Variants in EIF1AX observed in about 807,000 individuals in gnomAD.
EIF1AX encodes the protein eukaryotic translation initiation factor 1A X-linked, also known as eukaryotic translation initiation factor 1A, X-chromosomal.
Under a neutral mutation model 16.1 loss-of-function variants are expected in EIF1AX, and 1 was observed. The observed-to-expected ratio is 0.06, with a 90% confidence interval of 0.02 to 0.30. The LOEUF is 0.30. EIF1AX is among the 10% of genes least tolerant of loss of function. The pLI, the probability that EIF1AX is intolerant of heterozygous loss-of-function variation, is 1.00. For missense variants in EIF1AX, 11 were observed against 109.1 expected (o/e 0.10, Z 4.00); for synonymous variants, 32 against 37.3 (o/e 0.86, Z 0.51).
intron 3 of EIF1AX, among the ~76,000 whole-genome samples, chrX:20,134,572 T>C (rs113946541): frequency 0.025 from 2,717 of 107,834 alleles, 85 homozygotes; most frequent in African/African-American, 0.087. Flanking sequence ...ACCTTGTCTT[T>C]ACTAAAAATA....
At chrX:20,141,440 G>T (rs1265616995) in intron 1 of EIF1AX, among the ~76,000 whole-genome samples, 185 bp downstream of exon 1, 1 of 111,621 alleles carries the variant, frequency 9.0e-6, no homozygotes, top group Non-Finnish European at 1.9e-5. Flanking sequence ...GACCAAACTG[G>T]GCAACAGGAG....
rs1344014029 is a variant in EIF1AX at position 20,125,460 on chromosome X, T to C, written c.*2846A>G. 2 of 170,098 alleles carry C rather than the reference T, an allele frequency of 1.2e-5. No individual in the cohort carries two copies. Among genetic ancestry groups the C allele is most frequent in the African/African-American group, 5.9e-5 (2 of 33,778 alleles). The allele number at this position is 170,098 out of a possible 1,213,427, so 14.0% of individuals were successfully genotyped here. On this transcript the variant is annotated 3_prime_UTR_variant, in exon 7 of 7. Transcript: ENST00000379607. ...CAAAGAGTATAAATAAAACTTACCC[T>C]TACGAAGTAGAATAAAGATAAGCAT...
At chrX:20,133,725 G>A (rs2067007734) in intron 4 of EIF1AX, among the ~76,000 whole-genome samples, 1 of 111,577 alleles carries the variant, frequency 9.0e-6, no homozygotes, top group African/African-American at 3.3e-5. Context: ...GTTGTGATGT[G>A]TATTGTAATT....
At chrX:20,133,299 T>G (rs939281499) in intron 4 of EIF1AX, among the ~76,000 whole-genome samples, 2 of 110,960 alleles carry the variant, frequency 1.8e-5, no homozygotes, top group Non-Finnish European at 3.8e-5. Context: ...CTCAGCGCTA[T>G]GGATTATTGT....
rs1288020754 is a variant in EIF1AX, at chrX:20,127,823, A to T, written c.*483T>A. 6.7e-6 allele frequency: 1 copy of T among 148,392 alleles called. No individual in the cohort carries two copies. Among genetic ancestry groups the T allele is most frequent in the Non-Finnish European group, 1.3e-5 (1 of 79,573 alleles). 12.2% of individuals were successfully genotyped at this position (148,392 alleles called of 1,213,427 possible). On this transcript the variant is annotated 3_prime_UTR_variant, in exon 7 of 7. Transcript: ENST00000379607. ...AATAGCCACAGGCTACTTAAATATG[A>T]CAAACAGACTTATTTTTTTTCTTCA...
intron 6 of EIF1AX, among the ~76,000 whole-genome samples, chrX:20,130,082 A>G (rs187405210): frequency 0.012 from 1,320 of 110,531 alleles, 7 homozygotes; most frequent in Admixed American, 0.015. Context: ...AGGGCAGATC[A>G]CCGGAGGTCA....
chrX:20,137,227 G>A (rs753611126), intron 2 of EIF1AX, among the ~76,000 whole-genome samples: 4 of 111,150 alleles, frequency 3.6e-5, no homozygotes, highest in Non-Finnish European at 7.5e-5. Flanking sequence ...GGTGGATCAC[G>A]AGGTTAGGAG....
rs978016793 is a variant in EIF1AX, at chrX:20,125,463, C to T, written c.*2843G>A. The T allele has an allele frequency of 7.7e-5, 13 of 169,540 alleles. No individual in the cohort carries two copies. Among genetic ancestry groups the T allele is most frequent in the East Asian group, 1.7e-4 (2 of 11,773 alleles). 14.0% of individuals were successfully genotyped at this position (169,540 alleles called of 1,213,427 possible). A position where few individuals can be genotyped will look rare whatever the true frequency, so the allele number is the denominator to read the frequency against. On this transcript the variant is annotated 3_prime_UTR_variant, in exon 7 of 7. Transcript: ENST00000379607. ...AGAGTATAAATAAAACTTACCCTTA[C>T]GAAGTAGAATAAAGATAAGCATTTC...
intron 6 of EIF1AX, among the ~76,000 whole-genome samples, chrX:20,130,302 CAAAAAAAA>C (rs773734086): frequency 2.8e-4 from 8 of 28,479 alleles, no homozygotes; most frequent in Admixed American, 4.7e-4. Context: ...AACTCCATCA[CAAAAAAAA>C]AAAAAAAAAA....
At chrX:20,139,966 A>T (rs1466631501) in intron 1 of EIF1AX, 1 of 112,752 alleles carries the variant, frequency 8.9e-6, no homozygotes, top group Non-Finnish European at 1.9e-5. Flanking sequence ...ACCAGAATTA[A>T]CCATACCCGG....
chrX:20,126,132 CATTTT>C lies in EIF1AX; in HGVS notation c.*2169_*2173del, dbSNP rs1361329838. 1 of 132,321 alleles carries C rather than the reference CATTTT, an allele frequency of 7.6e-6. No individual in the cohort carries two copies. Among genetic ancestry groups the C allele is most frequent in the African/African-American group, 3.3e-5 (1 of 30,675 alleles). The allele number at this position is 132,321 out of a possible 1,213,427, so 10.9% of individuals were successfully genotyped here. On this transcript the variant is annotated 3_prime_UTR_variant, in exon 7 of 7. Transcript: ENST00000379607. ...AGAACCATTATTCTTGGATTTCAAA[CATTTT>C]ATTTTCTGTGCATAGCTTATAGCAC...
intron 3 of EIF1AX, among the ~76,000 whole-genome samples, 197 bp from the exon 4 acceptor site, chrX:20,134,204 T>G (rs903981158): frequency 2.7e-5 from 3 of 110,876 alleles, no homozygotes; most frequent in African/African-American, 9.9e-5. Context: ...CTGGCCAACA[T>G]GGCAAAAACC....
intron 4 of EIF1AX, among the ~76,000 whole-genome samples, chrX:20,132,865 C>G (rs940542438): frequency 1.1e-4 from 12 of 111,921 alleles, no homozygotes; most frequent in Non-Finnish European, 1.7e-4. Context: ...TTTCTACTTC[C>G]CTATTTGAAA....
At chrX:20,128,401 T>C in intron 6 of EIF1AX, 90 bp from the exon 7 acceptor site, 5 of 773,443 alleles carry the variant, frequency 6.5e-6, no homozygotes, top group South Asian at 3.1e-5. Flanking sequence ...TTCACCTCCT[T>C]AGGCTATGTG....
At chrX:20,130,482 C>G in intron 6 of EIF1AX, 34 bp downstream of exon 6, 1 of 1,154,477 alleles carries the variant, frequency 8.7e-7, no homozygotes, top group Non-Finnish European at 1.2e-6. Context: ...TGGATAATAA[C>G]AAAAATTGGA....
chrX:20,132,325 T>C (rs2067003769), intron 4 of EIF1AX, 62 bp from the exon 5 acceptor site: 2 of 702,532 alleles, frequency 2.8e-6, no homozygotes, highest in South Asian at 5.9e-5. Flanking sequence ...AGTTATTTCA[T>C]AAATTCTCAT....
chrX:20,131,206 T>C (rs1202819182), intron 5 of EIF1AX, among the ~76,000 whole-genome samples: 7 of 112,366 alleles, frequency 6.2e-5, no homozygotes, highest in African/African-American at 9.7e-5. Context: ...AAGGGACTTA[T>C]TTTTAGGTTT....
chrX:20,129,018 C>A (rs929635541), intron 6 of EIF1AX, among the ~76,000 whole-genome samples: 6 of 110,270 alleles, frequency 5.4e-5, no homozygotes, highest in African/African-American at 2.0e-4. Context: ...ATGTCAGCTG[C>A]AAGCTCTTAT....
At chrX:20,128,488 A>T (rs1263726963) in intron 6 of EIF1AX, among the ~76,000 whole-genome samples, 177 bp from the exon 7 acceptor site, 1 of 112,263 alleles carries the variant, frequency 8.9e-6, no homozygotes, top group East Asian at 2.8e-4. Flanking sequence ...TCTCCTTTGT[A>T]ATGTTACATG....
Sources: allele counts gnomAD v4.1 joint callset (sites outside exome capture counted in the v4.1 genomes callset), GRCh38; gene constraint gnomAD v4.1.1; transcripts MANE v1.5; gene names NCBI Gene and HGNC (gene_info 2026-07-23, HGNC 2026-07-21).